AMMECR1: variants seen among roughly 807,000 people sequenced by gnomAD.
AMMECR1 encodes nuclear protein AMMECR1.
Under a neutral mutation model 22.5 loss-of-function variants are expected in AMMECR1, and 3 were observed. The ratio of observed to expected loss-of-function variants is 0.13; its 90% CI spans 0.06 to 0.35. The LOEUF (loss-of-function observed/expected upper bound fraction) is 0.35. Ranked by LOEUF, AMMECR1 falls within the 10% of genes least tolerant of loss-of-function variation. AMMECR1 has a pLI of 1.00. For missense variants in AMMECR1, 235 were observed against 278.7 expected, an observed-to-expected ratio of 0.84 and a Z score of 1.12; for synonymous variants, 130 against 116.7, an observed-to-expected ratio of 1.11 and a Z score of -0.74.
Position 110,371,995 on chromosome X carries a change from C to T in AMMECR1, c.-147-54146G>A, listed in dbSNP as rs755659866. Among the ~76,000 whole-genome samples, 4 of 111,695 alleles carry T rather than the reference C, an allele frequency of 3.6e-5. No individual in the cohort carries two copies. In the South Asian group the frequency reaches 1.5e-3, roughly 42 times the overall value. ...TTTACTGTTACCAATGCCTTCAACTCCCTTGTGTACTTGGTGTACTCCCCA... is the reference window on the plus strand; with the variant it reads ...TTTACTGTTACCAATGCCTTCAACTTCCTTGTGTACTTGGTGTACTCCCCA... On this transcript the variant is annotated intron_variant, in intron 2 of 7. Coordinates refer to the AMMECR1 transcript ENST00000372057.
At chrX:110,303,722 G>A (rs2067980148) in intron 1 of AMMECR1, among the ~76,000 whole-genome samples, 1 of 112,226 alleles carries the variant, frequency 8.9e-6, no homozygotes, top group African/African-American at 3.2e-5. Context: ...GACTATGATA[G>A]GAGGGAGAGT....
At chrX:110,231,188 G>C (rs908447314) in intron 2 of AMMECR1, among the ~76,000 whole-genome samples, 3 of 111,471 alleles carry the variant, frequency 2.7e-5, no homozygotes, top group Non-Finnish European at 5.6e-5. Flanking sequence ...ACGCCACAAA[G>C]ATACTCCTCG....
In AMMECR1 at chrX:110,211,764, C is replaced by G. The variant is rs147109102; in HGVS notation, c.699+4754G>C. ...TTTCCTCAAATTATTCACTCTTCAT[C>G]CTTCTCATACCTACTAGGACAATAA... On this transcript the variant is annotated intron_variant, in intron 3 of 5. Coordinates refer to ENST00000262844, the MANE Select transcript of AMMECR1 (RefSeq NM_015365.3). Among the ~76,000 whole-genome samples, 1,011 of 111,540 alleles carry G rather than the reference C, an allele frequency of 9.1e-3. 13 individuals are homozygous for G. Among genetic ancestry groups the G allele is most frequent in the African/African-American group, 0.031 (939 of 30,651 alleles).
chrX:110,296,448 A>C (rs1335090754), intron 1 of AMMECR1, among the ~76,000 whole-genome samples: 3 of 111,828 alleles, frequency 2.7e-5, no homozygotes, highest in Admixed American at 9.5e-5. Flanking sequence ...CAAATTCGGG[A>C]AGTTTTCAGC....
intron 2 of AMMECR1, among the ~76,000 whole-genome samples, chrX:110,263,977 C>T (rs1602840767): frequency 8.9e-6 from 1 of 111,788 alleles, no homozygotes; most frequent in East Asian, 2.8e-4. Context: ...AGAAAATAAG[C>T]AAGCTACAAT....
At chrX:110,346,523 T>C (rs2068189706) in intron 2 of AMMECR1, among the ~76,000 whole-genome samples, 4 of 112,411 alleles carry the variant, frequency 3.6e-5, no homozygotes. Flanking sequence ...ATTACCCTTG[T>C]GAAGTAGAAA....
chrX:110,288,107 CAAG>C (rs2067889885), intron 1 of AMMECR1, among the ~76,000 whole-genome samples: 1 of 111,861 alleles, frequency 8.9e-6, no homozygotes, highest in Admixed American at 9.5e-5. Context: ...TTCAGGGAAG[CAAG>C]AAAGAGGACC....
intron 2 of AMMECR1, among the ~76,000 whole-genome samples, chrX:110,406,648 T>C (rs756949112): frequency 1.8e-5 from 2 of 112,082 alleles, no homozygotes; most frequent in African/African-American, 6.5e-5. Flanking sequence ...GGTCAAATGG[T>C]ATTTCTAGTT....
intron 2 of AMMECR1, among the ~76,000 whole-genome samples, chrX:110,219,171 C>T (rs1188784601): frequency 3.6e-5 from 4 of 111,511 alleles, no homozygotes; most frequent in African/African-American, 1.3e-4. Flanking sequence ...AGTGGAACTG[C>T]TGGATCATAA....
chrX:110,357,482 G>A (rs2068236482), intron 2 of AMMECR1, among the ~76,000 whole-genome samples: 1 of 112,300 alleles, frequency 8.9e-6, no homozygotes, highest in Non-Finnish European at 1.9e-5. Context: ...GCCAGTTTCT[G>A]CCAGCAAACG....
chrX:110,437,183 T>G (rs757769003), intron 1 of AMMECR1, among the ~76,000 whole-genome samples: 2 of 111,312 alleles, frequency 1.8e-5, no homozygotes, highest in Admixed American at 1.9e-4. Flanking sequence ...GGTGAGAGGG[T>G]GACATTAACT....
chrX:110,387,222 C>A (rs1013382707), intron 2 of AMMECR1, among the ~76,000 whole-genome samples: 12 of 112,161 alleles, frequency 1.1e-4, no homozygotes, highest in African/African-American at 3.6e-4. Flanking sequence ...GCAGGAATCC[C>A]CACAGTCCCA....
intron 2 of AMMECR1, among the ~76,000 whole-genome samples, chrX:110,258,495 C>T (rs1023323808): frequency 2.4e-4 from 27 of 112,135 alleles, no homozygotes; most frequent in African/African-American, 8.7e-4. Context: ...TAAAATCTGA[C>T]AAATGTTTCT....
upstream of AMMECR1, among the ~76,000 whole-genome samples, chrX:110,320,619 A>G (rs773482372): frequency 3.1e-4 from 35 of 112,202 alleles, no homozygotes; most frequent in Admixed American, 4.7e-4. Flanking sequence ...TCATGTCCTT[A>G]GTTCTGCATT....
intron 2 of AMMECR1, among the ~76,000 whole-genome samples, chrX:110,376,089 G>T (rs1292017355): frequency 9.0e-6 from 1 of 111,394 alleles, no homozygotes. Flanking sequence ...CCATGGTAAG[G>T]TGGTTTCAGA....
intron 2 of AMMECR1, among the ~76,000 whole-genome samples, chrX:110,222,098 A>G (rs1420495017): frequency 4.7e-5 from 5 of 106,656 alleles, no homozygotes; most frequent in Non-Finnish European, 9.7e-5. Flanking sequence ...ATTACTGGGT[A>G]TATACCCAAA....
chrX:110,422,362 C>T (rs1331131665), intron 2 of AMMECR1, among the ~76,000 whole-genome samples: 1 of 112,571 alleles, frequency 8.9e-6, no homozygotes, highest in Non-Finnish European at 1.9e-5. Context: ...AGACCTCTGC[C>T]AATTGCTGAC....
At chrX:110,344,523 A>T (rs1175447754) in intron 2 of AMMECR1, among the ~76,000 whole-genome samples, 1 of 111,635 alleles carries the variant, frequency 9.0e-6, no homozygotes, top group African/African-American at 3.3e-5. Flanking sequence ...GAGCTTCTGC[A>T]CAGCAAAAGA....
intron 1 of AMMECR1, among the ~76,000 whole-genome samples, chrX:110,427,865 A>G (rs2068765750): frequency 8.9e-6 from 1 of 111,880 alleles, no homozygotes; most frequent in Non-Finnish European, 1.9e-5. Context: ...ATTTGCACAC[A>G]TCATTCCCAC....
Sources: allele counts gnomAD v4.1 joint callset (sites outside exome capture counted in the v4.1 genomes callset), GRCh38; gene constraint gnomAD v4.1.1; transcripts MANE v1.5; gene names NCBI Gene and HGNC (gene_info 2026-07-23, HGNC 2026-07-21).